The following PIK3C3 variants were observed in gnomAD, a reference collection of about 807,000 sequenced individuals.
PIK3C3 encodes phosphatidylinositol 3-kinase catalytic subunit type 3.
A neutral mutation model predicts 126.1 loss-of-function variants in PIK3C3; 95 were observed. The observed-to-expected ratio is 0.75, with a 90% confidence interval of 0.64 to 0.89. The LOEUF (loss-of-function observed/expected upper bound fraction) is 0.89, where lower values mean the gene tolerates loss of function less well. Ranked by LOEUF, PIK3C3 falls within the 40% of genes least tolerant of loss-of-function variation. PIK3C3 has a pLI of 0.00. For missense variants in PIK3C3, 829 were observed against 1,063.2 expected, an observed-to-expected ratio of 0.78 and a Z score of 3.06; for synonymous variants, 374 against 360.0, an observed-to-expected ratio of 1.04 and a Z score of -0.44.
intron 9 of PIK3C3, among the ~76,000 whole-genome samples, chr18:42,002,488 C>G (rs967047506): frequency 3.9e-5 from 6 of 152,104 alleles, no homozygotes; most frequent in African/African-American, 1.4e-4. Flanking sequence ...TAAATTTACT[C>G]CCATTCTCTA....
intron 24 of PIK3C3, among the ~76,000 whole-genome samples, chr18:42,067,789 T>C (rs1985605513): frequency 6.6e-6 from 1 of 152,216 alleles, no homozygotes; most frequent in Non-Finnish European, 1.5e-5. Context: ...TTGAGAATGA[T>C]TTTGGATCCA....
rs556425599 is a variant in PIK3C3 at position 42,058,267 on chromosome 18, A to G, written c.2432+216A>G. Reference sequence around the variant, plus strand: ...AACTTTCTTGCTTTCCCACTATCTTATTACTATATCCCACCAGCTAGGAAG... The same window carrying G: ...AACTTTCTTGCTTTCCCACTATCTTGTTACTATATCCCACCAGCTAGGAAG... On this transcript the variant is annotated intron_variant, in intron 22 of 24. Coordinates refer to ENST00000262039, the MANE Select transcript of PIK3C3 (RefSeq NM_002647.4). Among the ~76,000 whole-genome samples the G allele has an allele frequency of 2.0e-5, 3 of 152,310 alleles. No individual in the cohort carries two copies. In the South Asian group the frequency reaches 6.2e-4, roughly 32 times the overall value.
intron 11 of PIK3C3, 84 bp downstream of exon 11, chr18:42,013,680 G>A (rs1206554933): frequency 4.0e-6 from 4 of 1,005,748 alleles, no homozygotes; most frequent in Middle Eastern, 2.9e-4. Flanking sequence ...TTCCTTAGAT[G>A]TACCAAATGC....
chr18:42,067,599 A>G (rs2144521036), intron 24 of PIK3C3, 86 bp downstream of exon 24: 1 of 1,402,648 alleles, frequency 7.1e-7, no homozygotes, highest in East Asian at 2.3e-5. Flanking sequence ...TTCTCCTGCC[A>G]GTTGACATCT....
rs2144551926 is a variant in PIK3C3 at position 42,086,744 on chromosome 18, A to C, written c.*5607A>C. The C allele has an allele frequency of 6.6e-6, 1 of 152,362 alleles. No homozygotes were observed. Among genetic ancestry groups the C allele is most frequent in the African/African-American group, 2.4e-5 (1 of 41,592 alleles). 9.4% of individuals were successfully genotyped at this position (152,362 alleles called of 1,614,324 possible). ...AAAAGGGGAGGAACCCTCAGTTCTG[A>C]GAATTTCCTTGAAAATTCATGAATA... On this transcript the variant is annotated 3_prime_UTR_variant, in exon 25 of 25. Transcript: ENST00000262039.
At chr18:42,080,361 T>C (rs1447684027) in intron 24 of PIK3C3, among the ~76,000 whole-genome samples, 1 of 152,174 alleles carries the variant, frequency 6.6e-6, no homozygotes, top group Non-Finnish European at 1.5e-5. Flanking sequence ...CATGTACACA[T>C]GCATGTGCAC....
At chr18:41,957,494 C>T (rs561935992) in intron 1 of PIK3C3, 76 bp from the exon 2 acceptor site, 1 of 1,391,104 alleles carries the variant, frequency 7.2e-7, no homozygotes, top group Non-Finnish European at 9.8e-7. Flanking sequence ...CATATATGTA[C>T]ATGCTTAGTA....
chr18:42,053,277 A>G (rs530210674), intron 21 of PIK3C3, among the ~76,000 whole-genome samples: 1 of 152,312 alleles, frequency 6.6e-6, no homozygotes, highest in South Asian at 2.1e-4. Context: ...CAAATGCAAA[A>G]TATTAGTCTC....
Position 42,004,390 on chromosome 18 carries a change from A to G in PIK3C3, c.1019A>G (p.Asp340Gly), listed in dbSNP as rs1476755128. The change falls in exon 10 of 25, where the codon GAT becomes GGT. Residue 340 changes from aspartate (D) to glycine (G), a missense_variant. Physicochemically the swap from Asp to Gly is moderately conservative, Grantham distance 94 (BLOSUM62 -1). Transcript: ENST00000262039. ...LTKFLKCVNW[D>G]LPQEAKQALE... ...AAATTCTTGAAATGTGTTAATTGGG[A>G]TCTACCTCAAGAGGCCAAACAGGCC... 3 of 1,611,556 alleles carry G rather than the reference A, an allele frequency of 1.9e-6. No individual in the cohort carries two copies. Among genetic ancestry groups the G allele is most frequent in the African/African-American group, 1.3e-5 (1 of 74,828 alleles).
chr18:42,069,577 A>G (rs1985691802), intron 24 of PIK3C3, among the ~76,000 whole-genome samples: 1 of 152,086 alleles, frequency 6.6e-6, no homozygotes, highest in African/African-American at 2.4e-5. Context: ...TTTTAAGCTC[A>G]ACTAGTTAAA....
chr18:41,981,198 T>C (rs995085652), intron 4 of PIK3C3, among the ~76,000 whole-genome samples: 1 of 152,212 alleles, frequency 6.6e-6, no homozygotes, highest in African/African-American at 2.4e-5. Flanking sequence ...TATTAATCAC[T>C]TTGGTTTGCT....
At chr18:41,986,468 CTTTA>C (rs1437281866) in intron 4 of PIK3C3, among the ~76,000 whole-genome samples, 1 of 152,006 alleles carries the variant, frequency 6.6e-6, no homozygotes, top group African/African-American at 2.4e-5. Context: ...GCATCTATTA[CTTTA>C]TTTGAGTTTT....
At chr18:42,044,582 A>AT (rs1984476728) in intron 20 of PIK3C3, among the ~76,000 whole-genome samples, 2 of 151,574 alleles carry the variant, frequency 1.3e-5, no homozygotes, top group African/African-American at 4.9e-5. Context: ...CACTTGGATG[A>AT]TTTTTTTGTA....
In PIK3C3 at chr18:42,024,665, C is replaced by T. The variant is rs1036099498; in HGVS notation, c.1485-2778C>T. 3.3e-5 allele frequency among the ~76,000 whole-genome samples: 5 copies of T among 152,026 alleles called. No homozygotes were observed. The East Asian group carries it at 7.7e-4, about 24-fold the overall frequency. ...GGTCAGCCTAGTCTTGAACTCCCAA[C>T]CTCAAGTGATTCACCCGCCTCGGCC... On this transcript the variant is annotated intron_variant, in intron 13 of 24. Transcript: ENST00000262039.
Position 42,041,176 on chromosome 18 carries a change from T to G in PIK3C3, c.2103+435T>G, listed in dbSNP as rs1598923177. On this transcript the variant is annotated intron_variant, in intron 19 of 24. Coordinates refer to ENST00000262039, the MANE Select transcript of PIK3C3 (RefSeq NM_002647.4). ...CGGCCTGGGTGACAGAGCAAGATTC[T>G]GTGTCAAAAAAAAACAAAAAAAACC... Among the ~76,000 whole-genome samples the G allele has an allele frequency of 4.0e-5, 6 of 151,896 alleles. No individual in the cohort carries two copies. In the South Asian group the frequency reaches 1.2e-3, roughly 32 times the overall value.
chr18:41,996,979 A>C (rs1243168050), intron 9 of PIK3C3, among the ~76,000 whole-genome samples: 2 of 152,138 alleles, frequency 1.3e-5, no homozygotes, highest in Non-Finnish European at 2.9e-5. Context: ...TTCGTTTTCC[A>C]GAAGTACATT....
At chr18:42,006,380 T>G (rs1982543255) in intron 10 of PIK3C3, among the ~76,000 whole-genome samples, 1 of 151,800 alleles carries the variant, frequency 6.6e-6, no homozygotes, top group Non-Finnish European at 1.5e-5. Flanking sequence ...AGAGTTTTTG[T>G]GGAAGCGCCA....
At chr18:41,965,535 A>G (rs1314117572) in intron 3 of PIK3C3, among the ~76,000 whole-genome samples, 21 of 152,162 alleles carry the variant, frequency 1.4e-4, no homozygotes, top group Non-Finnish European at 1.5e-5. Context: ...TGAGAAAAGC[A>G]TCTTCCTGGG....
chr18:41,980,772 G>A (rs1981158486), intron 4 of PIK3C3, among the ~76,000 whole-genome samples: 1 of 151,960 alleles, frequency 6.6e-6, no homozygotes, highest in Non-Finnish European at 1.5e-5. Context: ...TAATCACTAG[G>A]AACAAAAGAA....
Sources: gnomAD v4.1 joint callset for allele counts (sites outside exome capture counted in the v4.1 genomes callset) on GRCh38, gnomAD v4.1.1 for gene constraint, MANE v1.5 for transcripts, NCBI Gene and HGNC (gene_info 2026-07-23, HGNC 2026-07-21) for gene names.